The following CDH18 variants were observed in gnomAD, a reference collection of about 807,000 sequenced individuals.
CDH18 encodes the protein cadherin 18.
In CDH18, 31 loss-of-function variants were observed where a neutral mutation model predicts 67.9. The ratio of observed to expected loss-of-function variants is 0.46; its 90% CI spans 0.34 to 0.62. CDH18 has a LOEUF of 0.62. CDH18 is among the 20% of genes least tolerant of loss of function. CDH18 has a pLI of 0.01. For synonymous variants in CDH18, 362 were observed against 347.2 expected, an observed-to-expected ratio of 1.04 and a Z score of -0.48; for missense variants, 890 against 975.5, an observed-to-expected ratio of 0.91 and a Z score of 1.17.
At chr5:19,909,249 A>G (rs1790858514) in intron 2 of CDH18, among the ~76,000 whole-genome samples, 1 of 151,942 alleles carries the variant, frequency 6.6e-6, no homozygotes, top group African/African-American at 2.4e-5. Context: ...ACAGCTCTAT[A>G]GAGAGGTTGG....
chr5:19,619,088 A>G (rs1210934931), intron 5 of CDH18, among the ~76,000 whole-genome samples: 2 of 152,186 alleles, frequency 1.3e-5, no homozygotes, highest in African/African-American at 4.8e-5. Flanking sequence ...TTATGAAGAT[A>G]ATGCATCTTC....
At chr5:20,254,677 T>C (rs2126608960) in intron 2 of CDH18, among the ~76,000 whole-genome samples, 1 of 152,250 alleles carries the variant, frequency 6.6e-6, no homozygotes, top group Non-Finnish European at 1.5e-5. Context: ...AGAATGTAAA[T>C]TATGTTCAGC....
intron 1 of CDH18, among the ~76,000 whole-genome samples, chr5:20,549,473 G>A (rs1165607171): frequency 6.6e-6 from 1 of 152,086 alleles, no homozygotes; most frequent in Non-Finnish European, 1.5e-5. Context: ...GGAACACCAA[G>A]AGATACTCTT....
In CDH18 at chr5:19,517,966, A is replaced by G. The variant is rs1009675129; in HGVS notation, c.1512+2691T>C. Among the ~76,000 whole-genome samples the G allele has an allele frequency of 2.0e-5, 3 of 152,018 alleles. No homozygotes were observed. In the East Asian group the frequency reaches 5.8e-4, roughly 29 times the overall value. On this transcript the variant is annotated intron_variant, in intron 10 of 12. Transcript: ENST00000382275. Reference sequence around the variant, plus strand: ...TAATTGAGATACTGTATTTTCTTAAATTTAAATTTTCCATTAGAATGTTTA... The same window carrying G: ...TAATTGAGATACTGTATTTTCTTAAGTTTAAATTTTCCATTAGAATGTTTA...
In CDH18 at chr5:19,792,350, C is replaced by G. The variant is rs567886943; in HGVS notation, c.229-45114G>C. ...TTGAGCCTTCAGGCTTCGTAACTTACACCAGTAGCTTTCCTGGTTCTCAAG... is the reference window on the plus strand; with the variant it reads ...TTGAGCCTTCAGGCTTCGTAACTTAGACCAGTAGCTTTCCTGGTTCTCAAG... On this transcript the variant is annotated intron_variant, in intron 3 of 12. Transcript: ENST00000382275. Among the ~76,000 whole-genome samples the G allele has an allele frequency of 4.6e-5, 7 of 152,260 alleles. No homozygotes were observed. The East Asian group carries it at 9.7e-4, about 21-fold the overall frequency.
chr5:20,312,689 A>C (rs1024361395), intron 1 of CDH18, among the ~76,000 whole-genome samples: 4 of 152,084 alleles, frequency 2.6e-5, no homozygotes, highest in African/African-American at 9.7e-5. Flanking sequence ...ATCTTTTAAT[A>C]ATTTGATCAA....
intron 2 of CDH18, among the ~76,000 whole-genome samples, chr5:19,856,156 AT>A (rs1268029592): frequency 6.6e-6 from 1 of 152,214 alleles, no homozygotes; most frequent in Non-Finnish European, 1.5e-5. Flanking sequence ...TGCTACTTAC[AT>A]TTTGGCAAGC....
At chr5:20,252,863 G>C (rs1743960819) in intron 2 of CDH18, among the ~76,000 whole-genome samples, 1 of 151,736 alleles carries the variant, frequency 6.6e-6, no homozygotes, top group South Asian at 2.1e-4. Flanking sequence ...CCTGAACCGG[G>C]AGGCGGAGCT....
In CDH18 at chr5:20,370,314, A is replaced by G. The variant is rs1742877246; in HGVS notation, c.-579-114809T>C. Reference sequence around the variant, plus strand: ...GTCATATGACTAATTGATTTGTCATATGATATCATATGACTAATTGATTTA... The same window carrying G: ...GTCATATGACTAATTGATTTGTCATGTGATATCATATGACTAATTGATTTA... On this transcript the variant is annotated intron_variant, in intron 1 of 14. Coordinates refer to the CDH18 transcript ENST00000507958. Among the ~76,000 whole-genome samples, 3 of 152,112 alleles carry G rather than the reference A, an allele frequency of 2.0e-5. No individual in the cohort carries two copies. The South Asian group carries it at 6.2e-4, about 32-fold the overall frequency.
chr5:20,450,262 G>A (rs570704268), intron 1 of CDH18, among the ~76,000 whole-genome samples: 48 of 152,174 alleles, frequency 3.2e-4, no homozygotes, highest in African/African-American at 8.9e-4. Context: ...CAGGAGAATC[G>A]CTTGAACTTG....
At chr5:20,001,326 C>T (rs1003574696) in intron 2 of CDH18, among the ~76,000 whole-genome samples, 2 of 151,796 alleles carry the variant, frequency 1.3e-5, no homozygotes, top group Non-Finnish European at 2.9e-5. Context: ...TAGTACTTTC[C>T]CCTACTGAGT....
At chr5:20,242,596 G>GAAAA (rs376279568) in intron 2 of CDH18, among the ~76,000 whole-genome samples, 2 of 77,808 alleles carry the variant, frequency 2.6e-5, no homozygotes, top group Non-Finnish European at 4.2e-5. Context: ...TTCATTGAGG[G>GAAAA]AAAAAAAAAA....
chr5:19,670,503 G>A (rs956745178), intron 5 of CDH18, among the ~76,000 whole-genome samples: 8 of 152,206 alleles, frequency 5.3e-5, no homozygotes, highest in Admixed American at 4.6e-4. Flanking sequence ...CAAATGTAAC[G>A]TTTATCTCTA....
chr5:20,075,300 C>A (rs1181534281), intron 2 of CDH18, among the ~76,000 whole-genome samples: 1 of 151,990 alleles, frequency 6.6e-6, no homozygotes, highest in African/African-American at 2.4e-5. Context: ...GTCAGGAGAT[C>A]GAGACCGTCC....
At chr5:19,490,027 T>C (rs1274871525) in intron 11 of CDH18, among the ~76,000 whole-genome samples, 1 of 152,046 alleles carries the variant, frequency 6.6e-6, no homozygotes, top group Non-Finnish European at 1.5e-5. Context: ...AGAGAAAACT[T>C]CTACCCGTTA....
At chr5:20,561,851 G>A (rs954315983) in intron 1 of CDH18, among the ~76,000 whole-genome samples, 3 of 151,612 alleles carry the variant, frequency 2.0e-5, no homozygotes, top group Non-Finnish European at 3.0e-5. Flanking sequence ...TTTTCACCTC[G>A]TAATGTCTTC....
intron 1 of CDH18, among the ~76,000 whole-genome samples, chr5:20,411,554 T>C (rs182945535): frequency 2.2e-3 from 334 of 152,086 alleles, no homozygotes; most frequent in African/African-American, 7.9e-3. Flanking sequence ...ATGGATTTCC[T>C]GCATAACACA....
intron 2 of CDH18, among the ~76,000 whole-genome samples, chr5:20,210,399 T>C (rs931121435): frequency 1.3e-5 from 2 of 151,998 alleles, no homozygotes; most frequent in African/African-American, 4.8e-5. Context: ...AGGTTTTTAT[T>C]AGATTCCTCT....
intron 1 of CDH18, among the ~76,000 whole-genome samples, chr5:20,490,467 A>T (rs1468231885): frequency 1.3e-5 from 2 of 152,160 alleles, no homozygotes; most frequent in East Asian, 3.8e-4. Context: ...CATACTAAAC[A>T]ATCAAAGTTC....
Sources: gnomAD v4.1 joint callset for allele counts (sites outside exome capture counted in the v4.1 genomes callset) on GRCh38, gnomAD v4.1.1 for gene constraint, MANE v1.5 for transcripts, NCBI Gene and HGNC (gene_info 2026-07-23, HGNC 2026-07-21) for gene names.